ALK: variants seen among roughly 807,000 people sequenced by gnomAD.
ALK encodes the protein ALK tyrosine kinase receptor.
ALK carries 74 observed loss-of-function variants against 163.1 expected under a neutral mutation model. That is an observed-to-expected ratio of 0.45 (90% CI 0.38 to 0.55). The LOEUF (loss-of-function observed/expected upper bound fraction) is 0.55. Ranked by LOEUF, ALK falls within the 20% of genes least tolerant of loss-of-function variation. ALK has a pLI of 0.00. For synonymous variants in ALK, 960 were observed against 843.2 expected (o/e 1.14, Z -2.40); for missense variants, 2,063 against 2,105.3 (o/e 0.98, Z 0.39).
At chr2:29,460,580 G>C (rs1017997735) in intron 4 of ALK, among the ~76,000 whole-genome samples, 4 of 152,108 alleles carry the variant, frequency 2.6e-5, no homozygotes, top group African/African-American at 9.7e-5. Context: ...CTGTTCCAGT[G>C]ATCTGGGATC....
At chr2:29,453,526 G>A (rs997772594) in intron 4 of ALK, among the ~76,000 whole-genome samples, 16 of 152,164 alleles carry the variant, frequency 1.1e-4, no homozygotes, top group African/African-American at 3.4e-4. Flanking sequence ...ATGAGCCACC[G>A]GACCTGGCCT....
intron 1 of ALK, among the ~76,000 whole-genome samples, chr2:29,876,335 G>T (rs1248904315): frequency 2.6e-5 from 4 of 152,096 alleles, no homozygotes; most frequent in African/African-American, 7.2e-5. Flanking sequence ...TGGTGGTGGT[G>T]GTGATGGTGA....
intron 4 of ALK, among the ~76,000 whole-genome samples, chr2:29,505,016 C>A (rs1001004985): frequency 1.3e-5 from 2 of 152,128 alleles, no homozygotes; most frequent in African/African-American, 4.8e-5. Flanking sequence ...AGACCCCAGA[C>A]TACTTGTGGC....
chr2:29,410,460 GTAAAA>G (rs1274351932), intron 4 of ALK, among the ~76,000 whole-genome samples: 1 of 152,178 alleles, frequency 6.6e-6, no homozygotes, highest in African/African-American at 2.4e-5. Context: ...CCCTAAATGT[GTAAAA>G]TGGAGCTGTG....
intron 1 of ALK, among the ~76,000 whole-genome samples, chr2:29,859,573 A>C (rs575765019): frequency 1.7e-4 from 26 of 152,304 alleles, no homozygotes; most frequent in African/African-American, 6.3e-4. Context: ...CGCAGGTGGA[A>C]GAAGAAAACC....
intron 9 of ALK, among the ~76,000 whole-genome samples, chr2:29,292,944 C>T (rs1034441786): frequency 2.0e-5 from 3 of 152,176 alleles, no homozygotes; most frequent in African/African-American, 4.8e-5. Context: ...GCCCTTTTCT[C>T]TCAAGTGCAC....
intron 1 of ALK, among the ~76,000 whole-genome samples, chr2:29,830,503 C>G (rs796113221): frequency 7.2e-5 from 11 of 152,130 alleles, no homozygotes; most frequent in African/African-American, 2.7e-4. Flanking sequence ...TTAATCCCAT[C>G]CAGGGCTAAG....
At chr2:29,382,729 T>C (rs1668930351) in intron 5 of ALK, among the ~76,000 whole-genome samples, 1 of 152,240 alleles carries the variant, frequency 6.6e-6, no homozygotes, top group African/African-American at 2.4e-5. Flanking sequence ...CCAAGCCACA[T>C]GTTTCTTATA....
At chr2:29,232,872 G>A (rs4666183) in intron 14 of ALK, among the ~76,000 whole-genome samples, 67,758 of 151,904 alleles carry the variant, frequency 0.45, 15,887 homozygotes, top group East Asian at 0.7. Context: ...AAGATTCAAG[G>A]TTAAGCCCTC....
At chr2:29,241,598 G>T (rs1459929354) in intron 12 of ALK, among the ~76,000 whole-genome samples, 1 of 151,622 alleles carries the variant, frequency 6.6e-6, no homozygotes, top group Admixed American at 6.6e-5. Flanking sequence ...GCAGAAAGAG[G>T]TGGTGGGAAT....
chr2:29,523,930 C>T (rs1405555572), intron 4 of ALK, among the ~76,000 whole-genome samples: 1 of 136,554 alleles, frequency 7.3e-6, no homozygotes, highest in Non-Finnish European at 1.5e-5. Flanking sequence ...AAAAGTTGTA[C>T]CTGCCAGGAA....
chr2:29,542,402 A>C (rs1054270138), intron 3 of ALK, among the ~76,000 whole-genome samples: 2 of 152,150 alleles, frequency 1.3e-5, no homozygotes, highest in African/African-American at 4.8e-5. Flanking sequence ...TACAGCTATT[A>C]TTCTGAAATT....
At chr2:29,436,424 T>C (rs966136850) in intron 4 of ALK, among the ~76,000 whole-genome samples, 25 of 152,336 alleles carry the variant, frequency 1.6e-4, no homozygotes, top group African/African-American at 6.0e-4. Context: ...ACTGGTTTTA[T>C]AACGTCATCA....
chr2:29,634,441 G>A (rs968087819), intron 3 of ALK, among the ~76,000 whole-genome samples: 3 of 152,082 alleles, frequency 2.0e-5, no homozygotes, highest in African/African-American at 7.2e-5. Flanking sequence ...TTAACTGGGA[G>A]CTATTTCAGG....
chr2:29,853,936 G>A (rs1340658804), intron 1 of ALK, among the ~76,000 whole-genome samples: 5 of 149,126 alleles, frequency 3.4e-5, no homozygotes, highest in Non-Finnish European at 7.4e-5. Context: ...CTGAGACAGA[G>A]TCTCACTCTG....
chr2:29,611,949 A>G (rs190821088), intron 3 of ALK, among the ~76,000 whole-genome samples: 2 of 152,340 alleles, frequency 1.3e-5, no homozygotes, highest in East Asian at 3.9e-4. Context: ...GTGTGAAAAC[A>G]GACTAATACA....
chr2:29,619,661 G>C (rs139599766), intron 3 of ALK, among the ~76,000 whole-genome samples: 1 of 152,182 alleles, frequency 6.6e-6, no homozygotes, highest in Non-Finnish European at 1.5e-5. Context: ...CCGATGGATC[G>C]TATGCTGTGT....
chr2:29,341,793 A>G (rs1667799852), intron 5 of ALK, among the ~76,000 whole-genome samples: 1 of 152,236 alleles, frequency 6.6e-6, no homozygotes, highest in South Asian at 2.1e-4. Flanking sequence ...GGTACAGTTC[A>G]GGCAAAGAAA....
intron 7 of ALK, among the ~76,000 whole-genome samples, chr2:29,320,403 G>T (rs1162961534): frequency 6.6e-6 from 1 of 152,198 alleles, no homozygotes; most frequent in Non-Finnish European, 1.5e-5. Flanking sequence ...CATAAAGAGG[G>T]CTATGGCTTT....
Sources: gnomAD v4.1 joint callset for allele counts (sites outside exome capture counted in the v4.1 genomes callset) on GRCh38, gnomAD v4.1.1 for gene constraint, MANE v1.5 for transcripts, NCBI Gene and HGNC (gene_info 2026-07-23, HGNC 2026-07-21) for gene names.